The following TMIGD3 variants were observed in gnomAD, a reference collection of about 807,000 sequenced individuals.
TMIGD3 encodes the protein transmembrane and immunoglobulin domain containing 3.
In TMIGD3, 21 loss-of-function variants were observed where a neutral mutation model predicts 28.1. That is an observed-to-expected ratio of 0.75 (90% confidence interval 0.53 to 1.08). The LOEUF is 1.08. Ranked by LOEUF, TMIGD3 falls within the 50% of genes least tolerant of loss-of-function variation. The probability of loss-of-function intolerance (pLI) is 0.00; values close to 1 mark genes in which losing one functional copy is unlikely to be tolerated. For synonymous variants in TMIGD3, 151 were observed against 162.1 expected, an observed-to-expected ratio of 0.93 and a Z score of 0.52; for missense variants, 416 against 435.6, an observed-to-expected ratio of 0.96 and a Z score of 0.40.
rs753682597 is a variant in TMIGD3, at chr1:111,485,816, T to C, written c.897A>G (p.Ile299Met). ...RSRTSILIIC[I>M]LITGLGIISV... ...AGATGATTCCCAAACCCGTGATCAG[T>C]ATGCAAATGATGAGAATGGACGTCC... is the stretch of plus-strand genomic sequence containing the variant. The change falls in exon 5 of 6, where the codon ATA (isoleucine) becomes ATG (methionine). Residue 299 changes from isoleucine to methionine, a missense_variant. Transcript: ENST00000369716. The C allele has an allele frequency of 1.1e-5, 18 of 1,611,804 alleles. No homozygotes were observed. The highest frequency in any genetic ancestry group is 5.0e-5 in the Admixed American group (3 of 59,598).
intron 1 of TMIGD3, among the ~76,000 whole-genome samples, chr1:111,524,007 GTTTC>G (rs1193976043): frequency 1.5e-5 from 2 of 130,042 alleles, no homozygotes; most frequent in Admixed American, 7.8e-5. Flanking sequence ...TACTCTTCTT[GTTTC>G]TTTCTTTCTT....
chr1:111,520,285 T>G (rs1468612314), intron 1 of TMIGD3, among the ~76,000 whole-genome samples: 1 of 152,220 alleles, frequency 6.6e-6, no homozygotes, highest in African/African-American at 2.4e-5. Context: ...TTAGTACATG[T>G]GCAGTCAGGT....
chr1:111,496,255 T>A (rs1284268491), intron 1 of TMIGD3, among the ~76,000 whole-genome samples: 7 of 152,316 alleles, frequency 4.6e-5, no homozygotes, highest in Admixed American at 1.3e-4. Flanking sequence ...GTCTCCAGTT[T>A]CAACTTAGGA....
At chr1:111,504,372 T>G (rs541394324), upstream of TMIGD3, among the ~76,000 whole-genome samples, 422 of 152,334 alleles carry the variant, frequency 2.8e-3, 3 homozygotes, top group African/African-American at 9.7e-3. Flanking sequence ...CATATCCTCC[T>G]GCCCACATTC....
chr1:111,547,175 T>C (rs1235362977), intron 1 of TMIGD3, among the ~76,000 whole-genome samples: 1 of 152,142 alleles, frequency 6.6e-6, no homozygotes, highest in Non-Finnish European at 1.5e-5. Flanking sequence ...TTTTTCATGA[T>C]ACTAGGGAGA....
At chr1:111,517,859 T>C (rs181017467) in intron 1 of TMIGD3, among the ~76,000 whole-genome samples, 243 of 152,316 alleles carry the variant, frequency 1.6e-3, no homozygotes, top group African/African-American at 5.7e-3. Flanking sequence ...ACTTCAGAGC[T>C]TCATATTAAA....
intron 1 of TMIGD3, among the ~76,000 whole-genome samples, chr1:111,510,354 A>G (rs750698508): frequency 1.3e-5 from 2 of 152,110 alleles, no homozygotes; most frequent in African/African-American, 2.4e-5. Flanking sequence ...AAACTGTACT[A>G]TGAAGTATGT....
At chr1:111,523,794 C>T (rs1055707710) in intron 1 of TMIGD3, among the ~76,000 whole-genome samples, 17 of 151,658 alleles carry the variant, frequency 1.1e-4, no homozygotes, top group African/African-American at 2.2e-4. Context: ...GTGTGGGAGC[C>T]GTAGTTATGT....
intron 1 of TMIGD3, among the ~76,000 whole-genome samples, chr1:111,516,681 A>G (rs1349469339): frequency 1.3e-5 from 2 of 152,166 alleles, no homozygotes; most frequent in Non-Finnish European, 2.9e-5. Context: ...AGAAAGCCAC[A>G]AAGCTGAAGT....
intron 1 of TMIGD3, among the ~76,000 whole-genome samples, chr1:111,544,312 T>C (rs1448079812): frequency 1.3e-5 from 2 of 152,202 alleles, no homozygotes; most frequent in South Asian, 4.1e-4. Context: ...TTCACAATGT[T>C]GTACAACCAT....
chr1:111,521,108 T>C (rs1218836832), intron 1 of TMIGD3, among the ~76,000 whole-genome samples: 1 of 152,090 alleles, frequency 6.6e-6, no homozygotes, highest in Non-Finnish European at 1.5e-5. Context: ...ATTTGTTGTG[T>C]GCATCAGTGG....
upstream of TMIGD3, chr1:111,504,012 G>T: frequency 1.0e-6 from 1 of 985,418 alleles, no homozygotes; most frequent in East Asian, 1.1e-4. Flanking sequence ...GAACAAAAAA[G>T]AGACTTTGGT....
In TMIGD3 at chr1:111,488,910, T is replaced by C; in HGVS notation, c.572A>G (p.Tyr191Cys). The change falls in exon 3 of 6, where the codon TAT becomes TGT. Residue 191 changes from tyrosine to cysteine, a missense_variant. Coordinates refer to ENST00000369716, the MANE Select transcript of TMIGD3 (RefSeq NM_020683.7). ...KNHPKYWCRG[Y>C]FRDYCNIIAF... ...GATGATGTTGCAGTAGTCACGGAAA[T>C]AGCCTCGGCACCAGTATTTGGGGTG... is the stretch of plus-strand genomic sequence containing the variant. 3 of 1,614,152 alleles carry C rather than the reference T, an allele frequency of 1.9e-6. No individual in the cohort carries two copies. Among genetic ancestry groups the C allele is most frequent in the Non-Finnish European group, 2.5e-6 (3 of 1,180,040 alleles).
rs537652468 is a variant in TMIGD3, at chr1:111,516,253, G to A, written c.108-25491C>T. 6.6e-5 allele frequency among the ~76,000 whole-genome samples: 10 copies of A among 152,328 alleles called. 2 individuals carry two copies. Among genetic ancestry groups the A allele is most frequent in the African/African-American group, 2.4e-4 (10 of 41,566 alleles). Reference sequence around the variant, plus strand: ...GGGGAGTGGGAATGCGAGCCAAAAGGAAGTCACGAAGATCAACTTAAAAAT... The same window carrying A: ...GGGGAGTGGGAATGCGAGCCAAAAGAAAGTCACGAAGATCAACTTAAAAAT... On this transcript the variant is annotated intron_variant, in intron 1 of 5. Coordinates refer to the TMIGD3 transcript ENST00000369717.
chr1:111,500,133 C>T, intron 1 of TMIGD3: 1 of 1,614,098 alleles, frequency 6.2e-7, no homozygotes, highest in Non-Finnish European at 8.5e-7. Flanking sequence ...GCTGTGGTAC[C>T]TCACCATTAA....
intron 1 of TMIGD3, among the ~76,000 whole-genome samples, chr1:111,510,791 A>G (rs1245069627): frequency 6.6e-6 from 1 of 152,182 alleles, no homozygotes; most frequent in Admixed American, 6.5e-5. Context: ...TGATTGGTCC[A>G]GTCTGTCATG....
chr1:111,562,715 A>G (rs1476676431), intron 1 of TMIGD3, among the ~76,000 whole-genome samples: 1 of 152,184 alleles, frequency 6.6e-6, no homozygotes, highest in Non-Finnish European at 1.5e-5. Flanking sequence ...TTGCCTCTAT[A>G]TTGCTGTTTA....
At chr1:111,530,103 A>G (rs1178590135) in intron 1 of TMIGD3, among the ~76,000 whole-genome samples, 1 of 152,098 alleles carries the variant, frequency 6.6e-6, no homozygotes. Flanking sequence ...GTAATTGAGT[A>G]TTTTAAATGA....
At chr1:111,496,370 C>A (rs1654888441) in intron 1 of TMIGD3, among the ~76,000 whole-genome samples, 1 of 152,176 alleles carries the variant, frequency 6.6e-6, no homozygotes, top group African/African-American at 2.4e-5. Context: ...CCAATCAAGG[C>A]ACACCTAAAG....
Sources: gnomAD v4.1 joint callset for allele counts (sites outside exome capture counted in the v4.1 genomes callset) on GRCh38, gnomAD v4.1.1 for gene constraint, MANE v1.5 for transcripts, NCBI Gene and HGNC (gene_info 2026-07-23, HGNC 2026-07-21) for gene names.